Variants in DCP1A observed in about 807,000 individuals in gnomAD.
DCP1A encodes decapping mRNA 1A.
Under a neutral mutation model 58.0 loss-of-function variants are expected in DCP1A, and 20 were observed. That is an observed-to-expected ratio of 0.34 (90% CI 0.24 to 0.50). The LOEUF is 0.50. Among genes scored for constraint, DCP1A ranks in the 20% least tolerant of loss-of-function variants. The pLI is 0.98. For synonymous variants in DCP1A, 285 were observed against 275.1 expected (o/e 1.04, Z -0.36); for missense variants, 613 against 712.2 (o/e 0.86, Z 1.59).
At chr3:53,335,203 T>C (rs2089091603) in intron 3 of DCP1A, among the ~76,000 whole-genome samples, 1 of 151,976 alleles carries the variant, frequency 6.6e-6, no homozygotes, top group Non-Finnish European at 1.5e-5. Context: ...TGCAGTGGCA[T>C]CATCCCGGCT....
rs56054437 is a variant in DCP1A at position 53,336,845 on chromosome 3, G to GATTTATTTATTT, written c.304+5287_304+5298dup. ...CATCTTCCTTCTAACCCAAAGCCCA[G>GATTTATTTATTT]ATTTATTTATTTATTTATTTATTTA... On this transcript the variant is annotated intron_variant, in intron 3 of 9. Transcript: ENST00000610213. 4.9e-3 allele frequency among the ~76,000 whole-genome samples: 712 copies of GATTTATTTATTT among 144,288 alleles called. 5 individuals carry two copies. The highest frequency in any genetic ancestry group is 7.2e-3 in the Admixed American group (104 of 14,352). The allele number at this position is 144,288 out of a possible 152,430, so 94.7% of individuals were successfully genotyped here. A position where few individuals can be genotyped will look rare whatever the true frequency, so the allele number is the denominator to read the frequency against.
intron 3 of DCP1A, among the ~76,000 whole-genome samples, chr3:53,341,420 C>T (rs903316566): frequency 1.3e-5 from 2 of 152,232 alleles, no homozygotes; most frequent in Admixed American, 6.5e-5. Context: ...CACCACTGCA[C>T]TCCAGCCTGG....
chr3:53,292,993 T>C (rs1478375191), intron 6 of DCP1A, among the ~76,000 whole-genome samples, 166 bp from the exon 7 acceptor site: 1 of 152,152 alleles, frequency 6.6e-6, no homozygotes, highest in Non-Finnish European at 1.5e-5. Context: ...CCCAGGTTCA[T>C]CTAGTGTCCC....
chr3:53,334,867 T>C (rs1429299282), intron 3 of DCP1A, among the ~76,000 whole-genome samples: 1 of 152,106 alleles, frequency 6.6e-6, no homozygotes, highest in Non-Finnish European at 1.5e-5. Flanking sequence ...GTTGTTTTTG[T>C]TGAAAAGTAT....
intron 6 of DCP1A, among the ~76,000 whole-genome samples, chr3:53,296,569 C>T (rs1433571315): frequency 6.6e-6 from 1 of 152,176 alleles, no homozygotes; most frequent in Non-Finnish European, 1.5e-5. Flanking sequence ...ACATTTATCT[C>T]CCTATTTTAA....
At chr3:53,321,870 T>C (rs980687703) in intron 3 of DCP1A, among the ~76,000 whole-genome samples, 1 of 152,220 alleles carries the variant, frequency 6.6e-6, no homozygotes. Flanking sequence ...GCTTCAGTTA[T>C]GCTCGATGAT....
intron 6 of DCP1A, among the ~76,000 whole-genome samples, chr3:53,298,197 AAC>A (rs1374574270): frequency 6.6e-6 from 1 of 152,184 alleles, no homozygotes; most frequent in African/African-American, 2.4e-5. Context: ...TAGCCTGGGC[AAC>A]AGAGTGAGAC....
intron 3 of DCP1A, among the ~76,000 whole-genome samples, chr3:53,322,256 C>G (rs960244465): frequency 3.9e-5 from 6 of 151,986 alleles, no homozygotes; most frequent in African/African-American, 1.2e-4. Flanking sequence ...AGTTCGAGAC[C>G]ACCCTGGCCA....
intron 4 of DCP1A, among the ~76,000 whole-genome samples, chr3:53,315,020 C>A (rs1467229381): frequency 6.6e-6 from 1 of 152,032 alleles, no homozygotes; most frequent in African/African-American, 2.4e-5. Flanking sequence ...CAGAAGCTGT[C>A]GGGGGTGGTA....
At chr3:53,332,835 G>A (rs1395856856) in intron 3 of DCP1A, among the ~76,000 whole-genome samples, 1 of 150,926 alleles carries the variant, frequency 6.6e-6, no homozygotes, top group South Asian at 2.1e-4. Flanking sequence ...TCCAGCCTGG[G>A]TGACAAAGCA....
At chr3:53,344,813 C>T in intron 2 of DCP1A, 89 bp downstream of exon 2, 1 of 1,021,484 alleles carries the variant, frequency 9.8e-7, no homozygotes, top group Non-Finnish European at 1.5e-6. Context: ...CAGGACGGTT[C>T]CAAAGACAAA....
At chr3:53,342,849 T>TA (rs2089232156) in intron 2 of DCP1A, among the ~76,000 whole-genome samples, 1 of 152,256 alleles carries the variant, frequency 6.6e-6, no homozygotes, top group Non-Finnish European at 1.5e-5. Context: ...GCTTTTGTCT[T>TA]ACTTTTTTCA....
chr3:53,322,985 C>G (rs1452008729), intron 3 of DCP1A, among the ~76,000 whole-genome samples: 2 of 151,950 alleles, frequency 1.3e-5, no homozygotes, highest in African/African-American at 4.8e-5. Context: ...TCACCACACC[C>G]GGCTAACTTT....
chr3:53,301,082 G>C (rs186921685), intron 6 of DCP1A, among the ~76,000 whole-genome samples: 1 of 152,058 alleles, frequency 6.6e-6, no homozygotes, highest in African/African-American at 2.4e-5. Flanking sequence ...ATTTAGAAAG[G>C]GGAAGTAGTA....
intron 3 of DCP1A, among the ~76,000 whole-genome samples, chr3:53,331,509 A>C (rs1178294028): frequency 5.9e-5 from 9 of 152,236 alleles, no homozygotes; most frequent in African/African-American, 1.9e-4. Flanking sequence ...CATGCTGTAC[A>C]GGTTTGTAGC....
chr3:53,338,200 C>T (rs2089147673), intron 3 of DCP1A: 2 of 429,694 alleles, frequency 4.7e-6, no homozygotes, highest in Admixed American at 2.6e-5. Flanking sequence ...TACTCAATAA[C>T]TCCAGAATTT....
chr3:53,323,037 T>C (rs1218642649), intron 3 of DCP1A, among the ~76,000 whole-genome samples: 1 of 151,982 alleles, frequency 6.6e-6, no homozygotes, highest in Non-Finnish European at 1.5e-5. Flanking sequence ...TGTTAGCCAG[T>C]ATGGTCTCGA....
At chr3:53,306,929 T>C (rs1553688124) in intron 5 of DCP1A, among the ~76,000 whole-genome samples, 3 of 145,134 alleles carry the variant, frequency 2.1e-5, no homozygotes, top group African/African-American at 7.8e-5. Flanking sequence ...GCCCAGGCTG[T>C]TCTTTTTTTT....
chr3:53,317,803 C>T (rs1707856017), intron 4 of DCP1A, among the ~76,000 whole-genome samples: 1 of 152,104 alleles, frequency 6.6e-6, no homozygotes, highest in South Asian at 2.1e-4. Flanking sequence ...GTATAAGTGA[C>T]TACAAGTTCA....
Sources: gnomAD v4.1 joint callset for allele counts (sites outside exome capture counted in the v4.1 genomes callset) on GRCh38, gnomAD v4.1.1 for gene constraint, MANE v1.5 for transcripts, NCBI Gene and HGNC (gene_info 2026-07-23, HGNC 2026-07-21) for gene names.